Variants in XRCC6 observed in about 807,000 individuals in gnomAD.
XRCC6 encodes the protein DNA repair protein Ku70.
Under a neutral mutation model 65.7 loss-of-function variants are expected in XRCC6, and 5 were observed. The ratio of observed to expected loss-of-function variants is 0.08; its 90% CI spans 0.04 to 0.16. The LOEUF is 0.16. Ranked by LOEUF, XRCC6 falls within the 10% of genes least tolerant of loss-of-function variation. XRCC6 has a pLI of 1.00. For synonymous variants in XRCC6, 270 were observed against 270.6 expected, an observed-to-expected ratio of 1.00 and a Z score of 0.02; for missense variants, 447 against 738.1, an observed-to-expected ratio of 0.61 and a Z score of 4.57.
intron 6 of XRCC6, among the ~76,000 whole-genome samples, chr22:41,645,172 G>C (rs1411778876): frequency 6.6e-6 from 1 of 151,688 alleles, no homozygotes; most frequent in Non-Finnish European, 1.5e-5. Context: ...GTGGTGGTGG[G>C]TGCCTGTAAT....
intron 3 of XRCC6, among the ~76,000 whole-genome samples, chr22:41,633,940 A>G (rs2067783507): frequency 6.6e-6 from 1 of 152,198 alleles, no homozygotes; most frequent in East Asian, 1.9e-4. Context: ...TTTGTTTTTA[A>G]TTTTTAGAAC....
intron 3 of XRCC6, among the ~76,000 whole-genome samples, chr22:41,634,810 T>C (rs1469985604): frequency 1.3e-5 from 2 of 152,210 alleles, no homozygotes; most frequent in Non-Finnish European, 2.9e-5. Context: ...CCCAAAGTGC[T>C]GGGATTATAG....
chr22:41,650,006 T>C (rs539336601), intron 7 of XRCC6, among the ~76,000 whole-genome samples: 49 of 152,114 alleles, frequency 3.2e-4, no homozygotes, highest in Non-Finnish European at 4.9e-4. Context: ...AGTGACAGTG[T>C]GACAGACTGC....
intron 6 of XRCC6, 52 bp from the exon 7 acceptor site, chr22:41,646,844 A>G (rs1316611581): frequency 3.4e-6 from 5 of 1,475,592 alleles, no homozygotes; most frequent in East Asian, 2.3e-5. Flanking sequence ...GGAATTTTAG[A>G]TAGAAAAGTG....
At chr22:41,628,803 CAA>C (rs2147069880) in intron 3 of XRCC6, among the ~76,000 whole-genome samples, 1 of 151,422 alleles carries the variant, frequency 6.6e-6, no homozygotes, top group East Asian at 2.0e-4. Flanking sequence ...TCTCTACTAA[CAA>C]TGCAAAAATA....
intron 7 of XRCC6, among the ~76,000 whole-genome samples, chr22:41,650,097 AT>A (rs60305397): frequency 2.8e-4 from 41 of 146,972 alleles, no homozygotes; most frequent in Non-Finnish European, 2.9e-4. Context: ...AGGTCAGTAC[AT>A]TTTTTTTTTT....
At chr22:41,640,158 C>T (rs1477626084) in intron 6 of XRCC6, among the ~76,000 whole-genome samples, 3 of 151,000 alleles carry the variant, frequency 2.0e-5, no homozygotes. Context: ...TCCCAAGTAG[C>T]TTTTTTTTGA....
At chr22:41,628,374 A>G (rs1422170340) in intron 3 of XRCC6, 144 bp downstream of exon 3, 2 of 576,932 alleles carry the variant, frequency 3.5e-6, no homozygotes, top group Non-Finnish European at 6.0e-6. Context: ...ACCTGGTAAC[A>G]TGGAGAAACC....
chr22:41,625,196 C>G (rs192122270), intron 2 of XRCC6, among the ~76,000 whole-genome samples: 3 of 152,268 alleles, frequency 2.0e-5, no homozygotes, highest in East Asian at 3.9e-4. Context: ...TCCTGCTACT[C>G]AGGAGGCTGA....
At chr22:41,639,110 G>T (rs1208472810) in intron 6 of XRCC6, among the ~76,000 whole-genome samples, 1 of 152,068 alleles carries the variant, frequency 6.6e-6, no homozygotes. Context: ...AATGTTAGTG[G>T]TGCATGAGTG....
chr22:41,640,440 C>T (rs1258352691), intron 6 of XRCC6, among the ~76,000 whole-genome samples: 1 of 152,244 alleles, frequency 6.6e-6, no homozygotes, highest in East Asian at 1.9e-4. Flanking sequence ...TGAGCCACCA[C>T]ACCCTGCCCC....
At chr22:41,651,521 A>G (rs8142745) in intron 8 of XRCC6, among the ~76,000 whole-genome samples, 1 of 145,486 alleles carries the variant, frequency 6.9e-6, no homozygotes, top group East Asian at 2.1e-4. Context: ...ATATATATAT[A>G]TTTTTTTAAT....
rs745552492 is a variant in XRCC6 at position 41,653,672 on chromosome 22, A to G, written c.1273A>G (p.Ile425Val). The G allele has an allele frequency of 6.2e-7, 1 of 1,613,888 alleles. No homozygotes were observed. Among genetic ancestry groups the G allele is most frequent in the African/African-American group, 1.3e-5 (1 of 74,898 alleles). Residue 425 changes from isoleucine to valine, a missense_variant, in exon 9 of 13, where the codon ATT (isoleucine) becomes GTT (valine). By Grantham distance (29) the Ile-to-Val change is conservative (BLOSUM62 3). Coordinates refer to ENST00000360079, the MANE Select transcript of XRCC6 (RefSeq NM_001469.5). ...PQEEELDDQK[I>V]QVTPPGFQLV... ...GGAAGAAGAGTTGGATGACCAGAAA[A>G]TTCAGGTGACTCCTCCAGGTATGTG...
intron 11 of XRCC6, among the ~76,000 whole-genome samples, chr22:41,660,856 C>G (rs943508527): frequency 6.6e-6 from 1 of 152,182 alleles, no homozygotes; most frequent in African/African-American, 2.4e-5. Flanking sequence ...AGTATCTCCA[C>G]TGTACCACTG....
Position 41,639,329 on chromosome 22 carries a change from C to CTTTTTTTTTTTTTTTTTT in XRCC6, c.773+1546_773+1563dup, listed in dbSNP as rs386395480. ...GGAACCAGATTGCTAGATTCTTTTT[C>CTTTTTTTTTTTTTTTTTT]TTTTTTTTTTTTTTTTTTTTTTTTT... On this transcript the variant is annotated intron_variant, in intron 6 of 12. Transcript: ENST00000360079. Among the ~76,000 whole-genome samples, 24 of 64,584 alleles carry CTTTTTTTTTTTTTTTTTT rather than the reference C, an allele frequency of 3.7e-4. 4 individuals are homozygous for CTTTTTTTTTTTTTTTTTT. The highest frequency in any genetic ancestry group is 8.0e-4 in the African/African-American group (13 of 16,318). The allele number at this position is 64,584 out of a possible 152,430, so 42.4% of individuals were successfully genotyped here.
intron 2 of XRCC6, among the ~76,000 whole-genome samples, chr22:41,623,513 G>A (rs1038702805): frequency 1.4e-4 from 21 of 149,388 alleles, no homozygotes; most frequent in African/African-American, 4.4e-4. Context: ...TCAGCCTCCC[G>A]AGTAGCTGGG....
Position 41,663,808 on chromosome 22 carries a change from A to G in XRCC6, c.1823A>G (p.Gln608Arg), listed in dbSNP as rs1020933883. The change falls in exon 13 of 13, where the codon CAG (glutamine) becomes CGG (arginine). Residue 608 changes from glutamine (Q) to arginine (R), a missense_variant. By Grantham distance (43) the Gln-to-Arg change is conservative (BLOSUM62 1). Around this residue, in one of 4 missense-constraint regions of XRCC6, gnomAD observed 201 missense variants for 374.1 expected, o/e 0.54. Coordinates refer to ENST00000360079, the MANE Select transcript of XRCC6 (RefSeq NM_001469.5). ...CTGGAAGCCCTCACCAAGCACTTCC[A>G]GGACTGACCAGAGGCCGCGCGTCCA... ...ELLEALTKHFQD is the reference protein window; with the variant it reads ...ELLEALTKHFRD 2 of 1,612,118 alleles carry G rather than the reference A, an allele frequency of 1.2e-6. No homozygotes were observed. The highest frequency in any genetic ancestry group is 2.7e-5 in the African/African-American group (2 of 74,924).
At chr22:41,632,001 G>T (rs1036867639) in intron 3 of XRCC6, among the ~76,000 whole-genome samples, 1 of 152,032 alleles carries the variant, frequency 6.6e-6, no homozygotes, top group Non-Finnish European at 1.5e-5. Flanking sequence ...GGCGGCACGC[G>T]CCTGCAATCG....
chr22:41,648,606 G>C (rs1298253462), intron 7 of XRCC6, among the ~76,000 whole-genome samples: 4 of 152,046 alleles, frequency 2.6e-5, no homozygotes, highest in Non-Finnish European at 5.9e-5. Context: ...TCTATAGAGG[G>C]ATTTAACATC....
Sources: gnomAD v4.1 joint callset for allele counts (sites outside exome capture counted in the v4.1 genomes callset) on GRCh38, gnomAD v4.1.1 for gene constraint, gnomAD v4.1.1 regional missense constraint, MANE v1.5 for transcripts, NCBI Gene and HGNC (gene_info 2026-07-23, HGNC 2026-07-21) for gene names.